MAGI2: variants seen among roughly 807,000 people sequenced by gnomAD.
MAGI2 encodes membrane associated guanylate kinase, WW and PDZ domain containing 2.
Under a neutral mutation model 133.3 loss-of-function variants are expected in MAGI2, and 35 were observed. The observed-to-expected ratio is 0.26, with a 90% CI of 0.20 to 0.35. The LOEUF is 0.35. Among genes scored for constraint, MAGI2 ranks in the 10% least tolerant of loss-of-function variants. MAGI2 has a pLI of 1.00. For missense variants in MAGI2, 1,636 were observed against 1,863.4 expected, an observed-to-expected ratio of 0.88 and a Z score of 2.25; for synonymous variants, 729 against 710.6, an observed-to-expected ratio of 1.03 and a Z score of -0.41.
intron 1 of MAGI2, among the ~76,000 whole-genome samples, chr7:79,387,166 G>T (rs1163366102): frequency 6.7e-6 from 1 of 148,438 alleles, no homozygotes. Flanking sequence ...TCTGAATTCA[G>T]CTCTCAGCTG....
intron 6 of MAGI2, 61 bp from the exon 7 acceptor site, chr7:78,369,274 T>C: frequency 8.5e-7 from 1 of 1,176,542 alleles, no homozygotes; most frequent in East Asian, 2.5e-5. Context: ...TAAAAAGTAA[T>C]ATAATTTAAT....
intron 1 of MAGI2, among the ~76,000 whole-genome samples, chr7:79,206,579 A>C (rs1454990617): frequency 1.3e-5 from 2 of 151,918 alleles, no homozygotes; most frequent in Non-Finnish European, 2.9e-5. Context: ...ACTAATAAAA[A>C]ATCGGTTATC....
In MAGI2 at chr7:78,576,141, C is replaced by T. The variant is rs1802243984; in HGVS notation, c.538+50979G>A. 4.6e-5 allele frequency among the ~76,000 whole-genome samples: 4 copies of T among 86,166 alleles called. No homozygotes were observed. In the South Asian group the frequency reaches 1.6e-3, roughly 34 times the overall value. The allele number at this position is 86,166 out of a possible 152,430, so 56.5% of individuals were successfully genotyped here. On this transcript the variant is annotated intron_variant, in intron 3 of 21. Transcript: ENST00000354212. ...TGAAAACACTTCTGTAAATTCAGGG[C>T]TTTATTTCTGAAAAACAACAAAAAC... is the stretch of plus-strand genomic sequence containing the variant.
chr7:79,088,994 G>C (rs2215543), intron 1 of MAGI2, among the ~76,000 whole-genome samples: 13 of 151,968 alleles, frequency 8.6e-5, no homozygotes, highest in Admixed American at 5.3e-4. Context: ...AAAGAAACTC[G>C]CATCAGAGTG....
In MAGI2 at chr7:79,053,987, G is replaced by A. The variant is rs540377143; in HGVS notation, c.302-46781C>T. On this transcript the variant is annotated intron_variant, in intron 1 of 21. Transcript: ENST00000354212. ...TGAGGTGGGTGGATCATTTGAGGTC[G>A]GGAGTTCGAGATCAGCCTGGCCAAC... Among the ~76,000 whole-genome samples, 99 of 152,066 alleles carry A rather than the reference G, an allele frequency of 6.5e-4. 1 individual carries two copies. In the East Asian group the frequency reaches 0.017, roughly 27 times the overall value.
At chr7:78,577,123 T>G (rs1207221886) in intron 3 of MAGI2, among the ~76,000 whole-genome samples, 1 of 152,224 alleles carries the variant, frequency 6.6e-6, no homozygotes, top group Non-Finnish European at 1.5e-5. Flanking sequence ...AAAAGGATAT[T>G]TTTTGTGTAA....
chr7:79,003,895 A>G (rs983726689), intron 2 of MAGI2, among the ~76,000 whole-genome samples: 5 of 152,210 alleles, frequency 3.3e-5, no homozygotes, highest in African/African-American at 1.2e-4. Context: ...TCAAAACCAC[A>G]ATGAGATATC....
At chr7:79,361,477 T>C (rs867762810) in intron 1 of MAGI2, among the ~76,000 whole-genome samples, 15 of 152,186 alleles carry the variant, frequency 9.9e-5, no homozygotes, top group African/African-American at 3.6e-4. Flanking sequence ...CAAGGCTACC[T>C]TGGCCTGCCA....
intron 2 of MAGI2, among the ~76,000 whole-genome samples, chr7:78,712,747 A>G (rs533977339): frequency 6.6e-6 from 1 of 152,322 alleles, no homozygotes; most frequent in East Asian, 1.9e-4. Flanking sequence ...ATCTTTAATA[A>G]CTTCTACTGT....
intron 9 of MAGI2, among the ~76,000 whole-genome samples, chr7:78,295,930 T>C (rs1336893153): frequency 1.3e-5 from 2 of 152,132 alleles, no homozygotes; most frequent in Non-Finnish European, 2.9e-5. Flanking sequence ...TTTCTCCCTC[T>C]TCTTACTCCA....
At chr7:78,702,815 T>C (rs557246443) in intron 2 of MAGI2, among the ~76,000 whole-genome samples, 20 of 152,080 alleles carry the variant, frequency 1.3e-4, no homozygotes, top group African/African-American at 4.8e-4. Flanking sequence ...AATTCAATTT[T>C]GGACACAGAG....
intron 1 of MAGI2, among the ~76,000 whole-genome samples, chr7:79,022,653 A>AAAAG (rs1809457945): frequency 6.6e-6 from 1 of 151,658 alleles, no homozygotes; most frequent in Admixed American, 6.6e-5. Context: ...ATCCAAAAAA[A>AAAAG]AAAAAAAAAC....
intron 2 of MAGI2, among the ~76,000 whole-genome samples, chr7:78,631,995 T>C (rs1294700695): frequency 6.6e-6 from 1 of 152,230 alleles, no homozygotes; most frequent in African/African-American, 2.4e-5. Context: ...ATAATTCATA[T>C]AACATACTTA....
chr7:78,682,146 T>C (rs1421846455), intron 2 of MAGI2, among the ~76,000 whole-genome samples: 1 of 152,144 alleles, frequency 6.6e-6, no homozygotes, highest in Non-Finnish European at 1.5e-5. Flanking sequence ...AATAAATATT[T>C]TGTTTCAGGA....
intron 1 of MAGI2, among the ~76,000 whole-genome samples, chr7:79,383,138 G>T (rs1427093375): frequency 6.6e-6 from 1 of 151,490 alleles, no homozygotes; most frequent in Non-Finnish European, 1.5e-5. Context: ...TAGGACCATT[G>T]GTGGCTTTTT....
intron 2 of MAGI2, among the ~76,000 whole-genome samples, chr7:78,885,701 C>T (rs1796212170): frequency 2.7e-5 from 4 of 150,882 alleles, no homozygotes; most frequent in Non-Finnish European, 3.0e-5. Flanking sequence ...AAAATGTATA[C>T]ATACTTTGAA....
intron 3 of MAGI2, among the ~76,000 whole-genome samples, chr7:78,559,208 T>G (rs1584631877): frequency 2.5e-5 from 3 of 118,888 alleles, no homozygotes; most frequent in Non-Finnish European, 3.5e-5. Context: ...AAAACAATAG[T>G]GGGGCTCAAG....
intron 21 of MAGI2, among the ~76,000 whole-genome samples, chr7:78,025,897 T>G (rs1386927861): frequency 6.6e-6 from 1 of 152,196 alleles, no homozygotes; most frequent in African/African-American, 2.4e-5. Flanking sequence ...TGTTATGAGC[T>G]CTAATGATGC....
At chr7:78,974,988 C>T (rs1259405517) in intron 2 of MAGI2, among the ~76,000 whole-genome samples, 1 of 151,346 alleles carries the variant, frequency 6.6e-6, no homozygotes, top group Non-Finnish European at 1.5e-5. Flanking sequence ...CATAACAGTC[C>T]TAAATGTGTA....
Sources: allele counts gnomAD v4.1 joint callset (sites outside exome capture counted in the v4.1 genomes callset), GRCh38; gene constraint gnomAD v4.1.1; transcripts MANE v1.5; gene names NCBI Gene and HGNC (gene_info 2026-07-23, HGNC 2026-07-21).